Variants in PCDHGA3 observed in about 807,000 individuals in gnomAD.
PCDHGA3 encodes the protein protocadherin gamma subfamily A, 3.
PCDHGA3 carries 40 observed loss-of-function variants against 58.5 expected under a neutral mutation model. The ratio of observed to expected loss-of-function variants is 0.68; its 90% CI spans 0.53 to 0.89. The LOEUF is 0.89. PCDHGA3 is among the 40% of genes least tolerant of loss of function. The pLI is 0.00. For synonymous variants in PCDHGA3, 530 were observed against 525.7 expected (o/e 1.01, Z -0.11); for missense variants, 1,223 against 1,195.9 (o/e 1.02, Z -0.33).
At chr5:141,419,022 G>A in intron 1 of PCDHGA3, 1 of 1,613,960 alleles carries the variant, frequency 6.2e-7, no homozygotes, top group Non-Finnish European at 8.5e-7. Flanking sequence ...AGCTTAAGTA[G>A]AGGTGTTCCA....
chr5:141,407,406 C>T (rs971404616), intron 1 of PCDHGA3, among the ~76,000 whole-genome samples: 2 of 152,090 alleles, frequency 1.3e-5, no homozygotes, highest in East Asian at 3.8e-4. Flanking sequence ...AGTTACTATT[C>T]GATACCACAA....
chr5:141,409,769 G>A (rs1413636372), intron 1 of PCDHGA3: 19 of 1,612,658 alleles, frequency 1.2e-5, no homozygotes, highest in Non-Finnish European at 1.5e-5. Context: ...CTTTGATCAC[G>A]AGCAGCTGCG....
intron 1 of PCDHGA3, among the ~76,000 whole-genome samples, chr5:141,468,857 C>A (rs1386167428): frequency 2.0e-5 from 3 of 151,962 alleles, no homozygotes; most frequent in Non-Finnish European, 4.4e-5. Context: ...CAGAGCGAGA[C>A]TCCATCTCAA....
chr5:141,408,329 A>G (rs2095085203), intron 1 of PCDHGA3: 1 of 1,613,698 alleles, frequency 6.2e-7, no homozygotes, highest in Admixed American at 1.7e-5. Context: ...GGAGCTGGCC[A>G]AGGGCTCGGT....
chr5:141,346,913 T>C (rs1337945635), intron 1 of PCDHGA3, among the ~76,000 whole-genome samples: 4 of 152,212 alleles, frequency 2.6e-5, no homozygotes, highest in Non-Finnish European at 5.9e-5. Flanking sequence ...CAAGTAAAAA[T>C]ACATATGAAT....
intron 1 of PCDHGA3, chr5:141,362,192 C>T: frequency 6.2e-7 from 1 of 1,614,038 alleles, no homozygotes; most frequent in Non-Finnish European, 8.5e-7. Flanking sequence ...GACCCCCAGG[C>T]AAAACTGCAG....
chr5:141,494,100 G>A (rs559145191), intron 1 of PCDHGA3, among the ~76,000 whole-genome samples: 7 of 152,270 alleles, frequency 4.6e-5, no homozygotes, highest in South Asian at 2.1e-4. Flanking sequence ...ATTTTTCTCC[G>A]TCTCAGACAG....
chr5:141,442,596 T>C (rs2154559877), intron 1 of PCDHGA3: 1 of 152,310 alleles, frequency 6.6e-6, no homozygotes, highest in South Asian at 2.1e-4. Flanking sequence ...TTAAATATTT[T>C]CAGAGATCTC....
At chr5:141,397,984 A>G in intron 1 of PCDHGA3, 18 of 1,310,016 alleles carry the variant, frequency 1.4e-5, no homozygotes, top group Non-Finnish European at 1.9e-5. Flanking sequence ...CGGCCTTTAC[A>G]CCGCTTCCTC....
chr5:141,484,845 G>T (rs541372844), intron 1 of PCDHGA3, among the ~76,000 whole-genome samples: 10 of 152,076 alleles, frequency 6.6e-5, no homozygotes, highest in Admixed American at 2.6e-4. Flanking sequence ...GATAGGCTGG[G>T]TTTTTTGGGG....
chr5:141,443,317 C>CAAA (rs35054295), intron 1 of PCDHGA3, among the ~76,000 whole-genome samples: 8 of 142,020 alleles, frequency 5.6e-5, no homozygotes, highest in African/African-American at 2.1e-4. Context: ...CCCATCTCTA[C>CAAA]AAAAAAAAAA....
intron 1 of PCDHGA3, chr5:141,366,822 T>C: frequency 6.5e-7 from 1 of 1,538,974 alleles, no homozygotes; most frequent in Non-Finnish European, 8.8e-7. Flanking sequence ...TTCTGTCATA[T>C]TCAGAATCAG....
chr5:141,502,615 A>G (rs2099815317), intron 2 of PCDHGA3, among the ~76,000 whole-genome samples: 1 of 152,218 alleles, frequency 6.6e-6, no homozygotes, highest in Non-Finnish European at 1.5e-5. Context: ...TTGTGAAAAT[A>G]TAAGTAATCT....
intron 1 of PCDHGA3, chr5:141,375,569 C>A (rs775153131): frequency 1.2e-6 from 2 of 1,613,970 alleles, no homozygotes; most frequent in East Asian, 2.2e-5. Context: ...AGAAGACACC[C>A]TCCAGGGGGC....
chr5:141,489,431 T>C lies in PCDHGA3; in HGVS notation c.2425-5376T>C. 6.2e-7 allele frequency: 1 copy of C among 1,614,132 alleles called. No individual in the cohort carries two copies. Among genetic ancestry groups the C allele is most frequent in the Non-Finnish European group, 8.5e-7 (1 of 1,180,024 alleles). On this transcript the variant is annotated intron_variant, in intron 1 of 3. Transcript: ENST00000253812. This position sits in a 1 kb window ranked among gnomAD's most constrained non-coding sequence, Gnocchi z 4.5. ...ATGACAGATCTGTTGAGCCGGCGGC[T>C]GCAATTGGGCTCTGAGGAGAATGGG...
intron 1 of PCDHGA3, among the ~76,000 whole-genome samples, chr5:141,455,253 C>T (rs187877877): frequency 6.6e-6 from 1 of 151,986 alleles, no homozygotes; most frequent in East Asian, 1.9e-4. Flanking sequence ...ATAGTACAAT[C>T]GCATTTCTTC....
chr5:141,450,985 C>T (rs533993975), intron 1 of PCDHGA3, among the ~76,000 whole-genome samples: 22 of 151,876 alleles, frequency 1.4e-4, no homozygotes, highest in African/African-American at 3.9e-4. Flanking sequence ...CCACCACACC[C>T]GGCTAATTTT....
At chr5:141,473,102 C>T (rs1465515592) in intron 1 of PCDHGA3, among the ~76,000 whole-genome samples, 1 of 152,054 alleles carries the variant, frequency 6.6e-6, no homozygotes, top group Non-Finnish European at 1.5e-5. Flanking sequence ...AGTTGTATTA[C>T]CACACTTTAC....
intron 1 of PCDHGA3, chr5:141,399,730 T>G: frequency 2.5e-6 from 4 of 1,613,266 alleles, no homozygotes; most frequent in Non-Finnish European, 8.5e-7. Context: ...CGACCAGGGC[T>G]CGCCTGCGCT....
Sources: gnomAD v4.1 joint callset for allele counts (sites outside exome capture counted in the v4.1 genomes callset) on GRCh38, gnomAD v4.1.1 for gene constraint, Gnocchi (gnomAD v3.1) non-coding constraint, MANE v1.5 for transcripts, NCBI Gene and HGNC (gene_info 2026-07-23, HGNC 2026-07-21) for gene names.